Variants in ZNF525 observed in about 807,000 individuals in gnomAD.
ZNF525 encodes zinc finger protein 525.
In ZNF525, 33 loss-of-function variants were observed where a neutral mutation model predicts 37.6. The observed-to-expected ratio is 0.88, with a 90% CI of 0.67 to 1.17. The LOEUF is 1.17. Ranked by LOEUF, ZNF525 falls within the 50% of genes most tolerant of loss-of-function variation. The pLI, the probability that ZNF525 is intolerant of heterozygous loss-of-function variation, is 0.00. For missense variants in ZNF525, 449 were observed against 543.1 expected, an observed-to-expected ratio of 0.83 and a Z score of 1.72; for synonymous variants, 170 against 182.3, an observed-to-expected ratio of 0.93 and a Z score of 0.54.
At chr19:53,376,191 T>A (rs2085520919) in intron 3 of ZNF525, 1 of 739,174 alleles carries the variant, frequency 1.4e-6, no homozygotes, top group Non-Finnish European at 2.4e-6. Flanking sequence ...CAAGACATCC[T>A]CCTCGGCCTC....
intron 1 of ZNF525, among the ~76,000 whole-genome samples, chr19:53,367,406 C>T (rs11879668): frequency 0.026 from 3,973 of 152,078 alleles, 168 homozygotes; most frequent in African/African-American, 0.09. Context: ...CTGGATTCTT[C>T]ATGAAAGAGC....
Position 53,381,807 on chromosome 19 carries a change from C to A in ZNF525, c.1228C>A (p.Pro410Thr), listed in dbSNP as rs746673746. The A allele has an allele frequency of 7.5e-6, 8 of 1,063,002 alleles. No individual in the cohort carries two copies. The highest frequency in any genetic ancestry group is 1.2e-5 in the Non-Finnish European group (8 of 676,416). The allele number at this position is 1,063,002 out of a possible 1,614,324, so 65.8% of individuals were successfully genotyped here. A position where few individuals can be genotyped will look rare whatever the true frequency, so the allele number is the denominator to read the frequency against. The change falls in exon 4 of 4, where the codon CCT (proline) becomes ACT (threonine). Residue 410 changes from proline to threonine, a missense_variant. Coordinates refer to ENST00000474037, the MANE Select transcript of ZNF525 (RefSeq NM_001348156.2). ...TCGTAGACTTCATACTGGAGAGAAA[C>A]CTTACAAGTGTGAAGAATGTGATGA... ...CHRRLHTGEK[P>T]YKCEECDEAF...
At chr19:53,371,830 G>T (rs932255338) in intron 1 of ZNF525, among the ~76,000 whole-genome samples, 2 of 152,044 alleles carry the variant, frequency 1.3e-5, no homozygotes, top group African/African-American at 4.8e-5. Context: ...TATATTTTTG[G>T]TAGAGATGGG....
intron 1 of ZNF525, among the ~76,000 whole-genome samples, chr19:53,369,925 C>T (rs577342581): frequency 7.0e-4 from 103 of 146,188 alleles, no homozygotes; most frequent in Non-Finnish European, 1.3e-3. Flanking sequence ...GGGGTTTCAC[C>T]GTGTTAGCCA....
Position 53,386,191 on chromosome 19 carries a change from A to T in ZNF525, c.*4172A>T. On this transcript the variant is annotated 3_prime_UTR_variant, in exon 4 of 4. Coordinates refer to ENST00000474037, the MANE Select transcript of ZNF525 (RefSeq NM_001348156.2). ...AAAATTGTCAAGTTCCTTCTCTTCC[A>T]TTCTTTGCCATCGTGGTGTGTGCTT... 3.5e-6 allele frequency: 2 copies of T among 576,946 alleles called. No homozygotes were observed. The highest frequency in any genetic ancestry group is 3.8e-5 in the East Asian group (1 of 26,416). 35.7% of individuals were successfully genotyped at this position (576,946 alleles called of 1,614,324 possible). A position where few individuals can be genotyped will look rare whatever the true frequency, so the allele number is the denominator to read the frequency against.
chr19:53,373,896 G>A (rs548349075), intron 2 of ZNF525, among the ~76,000 whole-genome samples: 31 of 151,996 alleles, frequency 2.0e-4, no homozygotes, highest in Non-Finnish European at 3.5e-4. Flanking sequence ...TGTTACATAG[G>A]TAAACTAGGG....
intron 2 of ZNF525, 35 bp downstream of exon 2, chr19:53,372,331 C>T: frequency 2.6e-6 from 2 of 771,144 alleles, no homozygotes; most frequent in South Asian, 2.9e-5. Flanking sequence ...GTTCTGTCTC[C>T]TTCCTTTCAG....
At position 53,385,692 on chromosome 19, in the gene ZNF525, A is replaced by G; in HGVS notation, c.*3673A>G. 1 of 154,882 alleles carries G rather than the reference A, an allele frequency of 6.5e-6. No individual in the cohort carries two copies. Among genetic ancestry groups the G allele is most frequent in the South Asian group, 2.0e-4 (1 of 5,012 alleles). 9.6% of individuals were successfully genotyped at this position (154,882 alleles called of 1,614,324 possible). The stretch of plus-strand genomic sequence containing the variant: ...ATGGAGAGAGATACTGTCTTAAAAA[A>G]AGAATACTTGTGGTAACGTTTGGGT... On this transcript the variant is annotated 3_prime_UTR_variant, in exon 4 of 4. Coordinates refer to ENST00000474037, the MANE Select transcript of ZNF525 (RefSeq NM_001348156.2).
At position 53,380,740 on chromosome 19, in the gene ZNF525, C is replaced by G. The variant is rs769222619; in HGVS notation, c.161C>G (p.Thr54Arg). The G allele has an allele frequency of 2.4e-6, 3 of 1,249,394 alleles. No homozygotes were observed. Among genetic ancestry groups the G allele is most frequent in the Non-Finnish European group, 3.5e-6 (3 of 857,052 alleles). The allele number at this position is 1,249,394 out of a possible 1,614,324, so 77.4% of individuals were successfully genotyped here. The stretch of plus-strand genomic sequence containing the variant: ...TTTGTAGGTATCTCTTCCAAATGCA[C>G]AATGAAGGAGTTCTCATCAACAGCA... ...LVSLGISSKC[T>R]MKEFSSTAQG... Residue 54 changes from threonine (T) to arginine (R), a missense_variant, in exon 4 of 4, where the codon ACA becomes AGA. Thr to Arg is a moderately conservative substitution (Grantham distance 71, BLOSUM62 -1). This residue lies in a region of ZNF525 where 271 missense variants were observed against 381.6 expected (regional missense o/e 0.71). Transcript: ENST00000474037.
intron 1 of ZNF525, among the ~76,000 whole-genome samples, chr19:53,366,850 G>T (rs988068258): frequency 4.0e-5 from 6 of 151,898 alleles, no homozygotes; most frequent in East Asian, 3.9e-4. Context: ...AGGAGGCGCA[G>T]AGATGGTGTT....
Position 53,383,866 on chromosome 19 carries a change from A to G in ZNF525, c.*1847A>G. On this transcript the variant is annotated 3_prime_UTR_variant, in exon 4 of 4. Transcript: ENST00000474037. ...CTTCAGTCAAGCTTCATCTTTTGCA[A>G]AACAGGAGAATTCATACAGGAGAGA... 1 of 583,546 alleles carries G rather than the reference A, an allele frequency of 1.7e-6. No individual in the cohort carries two copies. The highest frequency in any genetic ancestry group is 1.5e-5 in the South Asian group (1 of 66,684). 36.1% of individuals were successfully genotyped at this position (583,546 alleles called of 1,614,324 possible). A position where few individuals can be genotyped will look rare whatever the true frequency, so the allele number is the denominator to read the frequency against.
At chr19:53,377,759 A>T (rs2085532666) in intron 3 of ZNF525, among the ~76,000 whole-genome samples, 1 of 151,890 alleles carries the variant, frequency 6.6e-6, no homozygotes, top group Non-Finnish European at 1.5e-5. Flanking sequence ...ACGGGGTTTC[A>T]CTGTGTTAGC....
chr19:53,367,756 T>A (rs1568753165), intron 1 of ZNF525, among the ~76,000 whole-genome samples: 1 of 152,152 alleles, frequency 6.6e-6, no homozygotes, highest in East Asian at 1.9e-4. Context: ...TAGATTAAAC[T>A]TTCTACATAC....
chr19:53,369,946 G>C (rs1213978613), intron 1 of ZNF525, among the ~76,000 whole-genome samples: 1 of 147,012 alleles, frequency 6.8e-6, no homozygotes, highest in Non-Finnish European at 1.5e-5. Flanking sequence ...GGATGGTCTC[G>C]ATCTCCTGAC....
rs905022815 is a variant in ZNF525 at position 53,384,488 on chromosome 19, G to C, written c.*2469G>C. The C allele has an allele frequency of 6.4e-6, 1 of 155,570 alleles. No individual in the cohort carries two copies. The highest frequency in any genetic ancestry group is 2.4e-5 in the African/African-American group (1 of 41,396). 9.6% of individuals were successfully genotyped at this position (155,570 alleles called of 1,614,324 possible). A position where few individuals can be genotyped will look rare whatever the true frequency, so the allele number is the denominator to read the frequency against. The stretch of plus-strand genomic sequence containing the variant: ...TTAATCATTTTGATCAATTTTTGTT[G>C]ATTTCAAGGTACAAACGTCTCACCT... On this transcript the variant is annotated 3_prime_UTR_variant, in exon 4 of 4. Transcript: ENST00000474037.
chr19:53,372,517 C>T, intron 2 of ZNF525: 1 of 878,772 alleles, frequency 1.1e-6, no homozygotes, highest in South Asian at 1.4e-5. Context: ...TTGGGAAGGG[C>T]TCACAACCAG....
intron 2 of ZNF525, among the ~76,000 whole-genome samples, chr19:53,373,447 A>G (rs144867773): frequency 6.2e-4 from 94 of 152,182 alleles, no homozygotes; most frequent in African/African-American, 2.0e-3. Flanking sequence ...CATGATGAAT[A>G]TATTTGTTTT....
At position 53,368,434 on chromosome 19, in the gene ZNF525, T is replaced by C. The variant is rs892920656; in HGVS notation, c.-68+2675T>C. On this transcript the variant is annotated intron_variant, in intron 1 of 3. Transcript: ENST00000474037. ...TGAGCAACACAGTATCTCCTGATAA[T>C]AGAAGTTTTTAAGAGCTAGGGGCTT... Among the ~76,000 whole-genome samples the C allele has an allele frequency of 8.5e-5, 13 of 152,336 alleles. 1 individual carries two copies. The highest frequency in any genetic ancestry group is 7.8e-4 in the Admixed American group (12 of 15,298).
chr19:53,372,133 G>T, intron 1 of ZNF525, 82 bp from the exon 2 acceptor site: 1 of 521,710 alleles, frequency 1.9e-6, no homozygotes, highest in South Asian at 3.1e-5. Flanking sequence ...ATCAGGGTGA[G>T]GTCTCCTTTG....
Sources: gnomAD v4.1 joint callset for allele counts (sites outside exome capture counted in the v4.1 genomes callset) on GRCh38, gnomAD v4.1.1 for gene constraint, gnomAD v4.1.1 regional missense constraint, MANE v1.5 for transcripts, NCBI Gene and HGNC (gene_info 2026-07-23, HGNC 2026-07-21) for gene names.